Variants in CDH13 observed in about 807,000 individuals in gnomAD.
The protein encoded by CDH13 is cadherin-13.
Under a neutral mutation model 63.8 loss-of-function variants are expected in CDH13, and 24 were observed. The observed-to-expected ratio is 0.38, with a 90% CI of 0.27 to 0.53. CDH13 has a LOEUF of 0.53. Ranked by LOEUF, CDH13 falls within the 20% of genes least tolerant of loss-of-function variation. The pLI is 0.85. For synonymous variants in CDH13, 503 were observed against 355.3 expected, an observed-to-expected ratio of 1.42 and a Z score of -4.67; for missense variants, 1,049 against 903.1, an observed-to-expected ratio of 1.16 and a Z score of -2.07.
chr16:83,081,438 G>A (rs756661198), intron 3 of CDH13, among the ~76,000 whole-genome samples: 3 of 147,386 alleles, frequency 2.0e-5, no homozygotes, highest in Admixed American at 1.3e-4. Context: ...TATTACCAGC[G>A]TTTAGAGAAT....
chr16:83,263,860 C>G (rs763986062), intron 5 of CDH13, among the ~76,000 whole-genome samples: 3 of 152,100 alleles, frequency 2.0e-5, no homozygotes, highest in Non-Finnish European at 2.9e-5. Flanking sequence ...GAACATCCCA[C>G]TACTTGCCAC....
intron 1 of CDH13, among the ~76,000 whole-genome samples, chr16:82,719,977 G>T (rs1363959489): frequency 3.9e-5 from 6 of 151,970 alleles, no homozygotes; most frequent in Non-Finnish European, 8.8e-5. Flanking sequence ...ATGCTAAATG[G>T]TATAAACAAG....
chr16:83,503,412 G>A (rs1368864626), intron 7 of CDH13, among the ~76,000 whole-genome samples: 2 of 152,186 alleles, frequency 1.3e-5, no homozygotes. Flanking sequence ...ATCTACCTGG[G>A]TGGAGCCCAT....
intron 5 of CDH13, among the ~76,000 whole-genome samples, chr16:83,308,730 C>T (rs1278221796): frequency 6.6e-6 from 1 of 152,216 alleles, no homozygotes; most frequent in Non-Finnish European, 1.5e-5. Flanking sequence ...TCACCGCCGT[C>T]TCCATATGTG....
At chr16:83,356,370 C>G (rs1256158958) in intron 6 of CDH13, among the ~76,000 whole-genome samples, 2 of 151,952 alleles carry the variant, frequency 1.3e-5, no homozygotes, top group African/African-American at 4.8e-5. Flanking sequence ...GTGGTAACCT[C>G]AAATAAAGCC....
Position 83,355,553 on chromosome 16 carries a change from T to A in CDH13, c.781+10547T>A, listed in dbSNP as rs151334485. Among the ~76,000 whole-genome samples the A allele has an allele frequency of 1.2e-3, 176 of 152,312 alleles. 1 individual carries two copies. Among genetic ancestry groups the A allele is most frequent in the African/African-American group, 3.9e-3 (163 of 41,558 alleles). ...AAAGGCCAGAAAGCCTGAATCCCGA[T>A]AAACTGTTTTTTAATTCAATTTTTA... On this transcript the variant is annotated intron_variant, in intron 6 of 13. Transcript: ENST00000567109.
chr16:83,326,548 A>T (rs1336973775), intron 5 of CDH13, among the ~76,000 whole-genome samples: 2 of 152,034 alleles, frequency 1.3e-5, no homozygotes, highest in Non-Finnish European at 2.9e-5. Flanking sequence ...AACAAAATTC[A>T]GAAGAGAAGG....
Position 83,766,190 on chromosome 16 carries a change from A to G in CDH13, c.1682-13778A>G, listed in dbSNP as rs866719036. Among the ~76,000 whole-genome samples, 4 of 152,290 alleles carry G rather than the reference A, an allele frequency of 2.6e-5. No homozygotes were observed. In the South Asian group the frequency reaches 8.3e-4, roughly 32 times the overall value. ...GCTCTGCAGACCTCTGCCCCACCAC[A>G]CACTGTTTTCTCCCCAAGGGTTAGA... On this transcript the variant is annotated intron_variant, in intron 11 of 13. Coordinates refer to ENST00000567109, the MANE Select transcript of CDH13 (RefSeq NM_001257.5).
chr16:82,753,596 T>C (rs544155660), intron 1 of CDH13, among the ~76,000 whole-genome samples: 13 of 152,208 alleles, frequency 8.5e-5, no homozygotes, highest in Non-Finnish European at 1.3e-4. Context: ...AAAAATTCTT[T>C]ATAGCCAAAT....
intron 6 of CDH13, among the ~76,000 whole-genome samples, chr16:83,354,535 G>C (rs2091017050): frequency 1.3e-5 from 2 of 152,162 alleles, no homozygotes; most frequent in Admixed American, 6.5e-5. Context: ...GGATAAGCCA[G>C]ATAATTTAAG....
chr16:83,312,929 TA>T (rs1222502255), intron 5 of CDH13, among the ~76,000 whole-genome samples: 7 of 152,172 alleles, frequency 4.6e-5, no homozygotes, highest in African/African-American at 1.7e-4. Flanking sequence ...TGGTATTAGA[TA>T]CACCATTCCA....
At chr16:83,074,028 G>A (rs115586799) in intron 3 of CDH13, among the ~76,000 whole-genome samples, 357 of 152,158 alleles carry the variant, frequency 2.3e-3, no homozygotes, top group African/African-American at 8.2e-3. Context: ...ATTTTGAGAT[G>A]TACAATACAT....
chr16:83,536,126 G>A (rs946868073), intron 7 of CDH13, among the ~76,000 whole-genome samples: 1 of 152,146 alleles, frequency 6.6e-6, no homozygotes, highest in Non-Finnish European at 1.5e-5. Context: ...GAGGCATTGA[G>A]AAATCCTTTC....
intron 1 of CDH13, chr16:82,722,924 C>T (rs922237001): frequency 6.6e-5 from 10 of 152,218 alleles, no homozygotes; most frequent in African/African-American, 2.4e-4. Context: ...GGCCAAGGCA[C>T]ATGTTTTCTC....
At chr16:83,082,474 T>TA (rs958705249) in intron 3 of CDH13, among the ~76,000 whole-genome samples, 37 of 149,088 alleles carry the variant, frequency 2.5e-4, no homozygotes, top group South Asian at 6.4e-4. Flanking sequence ...AAAATAAAAA[T>TA]AAAAAAAAAA....
At chr16:83,744,889 T>G (rs965084822) in intron 10 of CDH13, among the ~76,000 whole-genome samples, 1 of 152,200 alleles carries the variant, frequency 6.6e-6, no homozygotes, top group African/African-American at 2.4e-5. Context: ...AACACTCATG[T>G]GATGCTGGCA....
chr16:83,243,256 A>G, intron 5 of CDH13, among the ~76,000 whole-genome samples: 1 of 152,206 alleles, frequency 6.6e-6, no homozygotes, highest in Non-Finnish European at 1.5e-5. Context: ...TGGGTAATTT[A>G]TAAAGAAAAT....
intron 7 of CDH13, among the ~76,000 whole-genome samples, chr16:83,551,457 A>T (rs1305200087): frequency 1.3e-5 from 2 of 152,204 alleles, no homozygotes; most frequent in African/African-American, 4.8e-5. Context: ...GATATCTCTT[A>T]GGCCATGACA....
At chr16:83,171,846 A>T (rs183633515) in intron 4 of CDH13, among the ~76,000 whole-genome samples, 13 of 152,238 alleles carry the variant, frequency 8.5e-5, no homozygotes, top group Admixed American at 3.9e-4. Flanking sequence ...CAACATAAGA[A>T]ATTTAATGTT....
Sources: gnomAD v4.1 joint callset for allele counts (sites outside exome capture counted in the v4.1 genomes callset) on GRCh38, gnomAD v4.1.1 for gene constraint, MANE v1.5 for transcripts, NCBI Gene and HGNC (gene_info 2026-07-23, HGNC 2026-07-21) for gene names.